ZNF585B: variants seen among roughly 807,000 people sequenced by gnomAD.
The protein encoded by ZNF585B is zinc finger protein 585B.
A neutral mutation model predicts 14.0 loss-of-function variants in ZNF585B; 7 were observed. That is an observed-to-expected ratio of 0.50 (90% CI 0.28 to 0.94). The LOEUF (loss-of-function observed/expected upper bound fraction) is 0.94, where lower values mean the gene tolerates loss of function less well. Among genes scored for constraint, ZNF585B ranks in the 40% least tolerant of loss-of-function variants. The probability of loss-of-function intolerance (pLI) is 0.09; values close to 1 mark genes in which losing one functional copy is unlikely to be tolerated. For synonymous variants in ZNF585B, 290 were observed against 317.3 expected (o/e 0.91, Z 0.91); for missense variants, 750 against 924.4 (o/e 0.81, Z 2.45).
intron 4 of ZNF585B, among the ~76,000 whole-genome samples, chr19:37,189,137 C>T (rs999491616): frequency 6.6e-6 from 1 of 151,926 alleles, no homozygotes; most frequent in Non-Finnish European, 1.5e-5. Flanking sequence ...GGGGTTTTGC[C>T]ATGTTGTCCA....
chr19:37,193,579 A>C (rs1972428128), intron 2 of ZNF585B, among the ~76,000 whole-genome samples: 1 of 151,944 alleles, frequency 6.6e-6, no homozygotes, highest in Admixed American at 6.6e-5. Flanking sequence ...GGAGTTTGAG[A>C]CCAGCCCAGG....
intron 2 of ZNF585B, among the ~76,000 whole-genome samples, chr19:37,204,841 G>A (rs1441350432): frequency 6.6e-6 from 1 of 151,910 alleles, no homozygotes; most frequent in African/African-American, 2.4e-5. Flanking sequence ...CTGCCTCCTA[G>A]GTTCAAGCGA....
At position 37,185,359 on chromosome 19, in the gene ZNF585B, G is replaced by A; in HGVS notation, c.2178C>T (p.Ala726=). 1 of 1,614,132 alleles carries A rather than the reference G, an allele frequency of 6.2e-7. No homozygotes were observed. The change falls in exon 5 of 5, where the codon GCC becomes GCT. Residue 726 remains alanine, a synonymous_variant. Coordinates refer to ENST00000532828, the MANE Select transcript of ZNF585B (RefSeq NM_152279.4). ...TATTCAAATTGGACCTGTTGCTAAA[G>A]GCCTTCCCACACTCAGCACACACGT... ...KPYVCAECGK[A]FSNRSNLNKH...
intron 2 of ZNF585B, among the ~76,000 whole-genome samples, chr19:37,202,965 TACTC>T (rs1411238863): frequency 6.6e-6 from 1 of 152,138 alleles, no homozygotes; most frequent in East Asian, 1.9e-4. Context: ...TTTTACATAA[TACTC>T]ACTCGTGATT....
chr19:37,209,709 C>T (rs982490985), intron 1 of ZNF585B, among the ~76,000 whole-genome samples: 17 of 147,500 alleles, frequency 1.2e-4, no homozygotes, highest in Admixed American at 2.1e-4. Context: ...CTAATTGAAA[C>T]ATAAAGTGCA....
chr19:37,189,495 A>G lies in ZNF585B; in HGVS notation c.292+166T>C. ...AATCAACAAGGAAGGTCATCCAGGT[A>G]GAAGGCATTTAGTGATCTGAGAGGC... On this transcript the variant is annotated intron_variant, in intron 4 of 4. Coordinates refer to ENST00000532828, the MANE Select transcript of ZNF585B (RefSeq NM_152279.4). 3 of 658,938 alleles carry G rather than the reference A, an allele frequency of 4.6e-6. No individual in the cohort carries two copies. The South Asian group carries it at 5.8e-5, about 13-fold the overall frequency. The allele number at this position is 658,938 out of a possible 1,614,324, so 40.8% of individuals were successfully genotyped here. A position where few individuals can be genotyped will look rare whatever the true frequency, so the allele number is the denominator to read the frequency against.
chr19:37,209,373 G>A (rs954907163), intron 1 of ZNF585B, among the ~76,000 whole-genome samples: 6 of 152,148 alleles, frequency 3.9e-5, no homozygotes, highest in Admixed American at 6.6e-5. Context: ...AAAGTGCTGG[G>A]ATTACAGGCG....
At chr19:37,203,114 T>C (rs1972549464) in intron 2 of ZNF585B, among the ~76,000 whole-genome samples, 1 of 152,234 alleles carries the variant, frequency 6.6e-6, no homozygotes, top group Non-Finnish European at 1.5e-5. Flanking sequence ...TTATCAACCA[T>C]TTTTTGTTCT....
chr19:37,189,572 A>G, intron 4 of ZNF585B, 89 bp downstream of exon 4: 1 of 1,453,428 alleles, frequency 6.9e-7, no homozygotes, highest in South Asian at 1.2e-5. Context: ...TCTTAATAGC[A>G]CTTCACAGGT....
chr19:37,188,875 G>GA (rs1238995080), intron 4 of ZNF585B, among the ~76,000 whole-genome samples: 1 of 152,036 alleles, frequency 6.6e-6, no homozygotes, highest in African/African-American at 2.4e-5. Flanking sequence ...GAAGATAAGA[G>GA]AAATCTCATG....
rs1047327 is a variant in ZNF585B, at chr19:37,184,925, T to G, written c.*302A>C. On this transcript the variant is annotated 3_prime_UTR_variant, in exon 5 of 5. Coordinates refer to ENST00000532828, the MANE Select transcript of ZNF585B (RefSeq NM_152279.4). Reference sequence around the variant, plus strand: ...CATTCCCATAATATGATCTTTCTTATGAAGAATTTGGTAACAGTATTCTAT... The same window carrying G: ...CATTCCCATAATATGATCTTTCTTAGGAAGAATTTGGTAACAGTATTCTAT... The G allele has an allele frequency of 6.3e-5, 29 of 456,880 alleles. No individual in the cohort carries two copies. The highest frequency in any genetic ancestry group is 5.4e-4 in the East Asian group (17 of 31,712). The allele number at this position is 456,880 out of a possible 1,614,324, so 28.3% of individuals were successfully genotyped here.
chr19:37,200,725 T>A (rs1049706819), intron 2 of ZNF585B, among the ~76,000 whole-genome samples: 6 of 152,010 alleles, frequency 3.9e-5, no homozygotes, highest in Admixed American at 3.3e-4. Flanking sequence ...ATAAATTTAA[T>A]AGTCTTAAAC....
chr19:37,209,455 A>G (rs1013958051), intron 1 of ZNF585B, among the ~76,000 whole-genome samples: 6 of 152,170 alleles, frequency 3.9e-5, no homozygotes, highest in Non-Finnish European at 7.3e-5. Flanking sequence ...TTTTAAATAT[A>G]TAAAGCAGAA....
intron 2 of ZNF585B, among the ~76,000 whole-genome samples, chr19:37,200,995 G>A (rs1439606600): frequency 1.3e-5 from 2 of 151,278 alleles, no homozygotes; most frequent in African/African-American, 2.4e-5. Flanking sequence ...AGAGGCTGAC[G>A]CAGGAGAATC....
chr19:37,193,050 G>C (rs1025607886), intron 2 of ZNF585B, among the ~76,000 whole-genome samples: 3 of 151,866 alleles, frequency 2.0e-5, no homozygotes, highest in Non-Finnish European at 4.4e-5. Flanking sequence ...CAAGCGAATC[G>C]CTTGAAGCCA....
intron 2 of ZNF585B, among the ~76,000 whole-genome samples, chr19:37,200,647 T>G (rs554004584): frequency 6.7e-6 from 1 of 150,342 alleles, no homozygotes; most frequent in African/African-American, 2.4e-5. Flanking sequence ...AAAAAAAGAA[T>G]TTAATAAAAA....
chr19:37,182,564 C>T lies in ZNF585B; in HGVS notation c.*2663G>A, dbSNP rs927486515. ...AGATGTTGAGCAGCATGTGATGGGC[C>T]ATCAGATACTGTGAAGAAGTGAGGA... On this transcript the variant is annotated 3_prime_UTR_variant, in exon 5 of 5. Coordinates refer to ENST00000532828, the MANE Select transcript of ZNF585B (RefSeq NM_152279.4). The T allele has an allele frequency of 1.3e-5, 2 of 152,184 alleles. No homozygotes were observed. The highest frequency in any genetic ancestry group is 4.8e-5 in the African/African-American group (2 of 41,426). The allele number at this position is 152,184 out of a possible 1,614,324, so 9.4% of individuals were successfully genotyped here.
chr19:37,202,193 G>A lies in ZNF585B; in HGVS notation c.72+4847C>T, dbSNP rs193006571. Among the ~76,000 whole-genome samples the A allele has an allele frequency of 1.2e-3, 190 of 152,174 alleles. 2 individuals are homozygous for A. The highest frequency in any genetic ancestry group is 4.4e-3 in the African/African-American group (183 of 41,524). ...AATTTTTGTATTTTTAATAGAGACA[G>A]GGTTTCATCACGTTAGCCAGGCTGG... is the stretch of plus-strand genomic sequence containing the variant. On this transcript the variant is annotated intron_variant, in intron 2 of 4. Coordinates refer to ENST00000532828, the MANE Select transcript of ZNF585B (RefSeq NM_152279.4).
At chr19:37,195,329 G>C (rs1244423410) in intron 2 of ZNF585B, among the ~76,000 whole-genome samples, 5 of 105,132 alleles carry the variant, frequency 4.8e-5, no homozygotes, top group Non-Finnish European at 8.6e-5. Flanking sequence ...CTAGGCAACA[G>C]AGCGAGACTC....
Sources: gnomAD v4.1 joint callset for allele counts (sites outside exome capture counted in the v4.1 genomes callset) on GRCh38, gnomAD v4.1.1 for gene constraint, MANE v1.5 for transcripts, NCBI Gene and HGNC (gene_info 2026-07-23, HGNC 2026-07-21) for gene names.